The following SLC35D4 variants were observed in gnomAD, a reference collection of about 807,000 sequenced individuals.
The protein encoded by SLC35D4 is solute carrier family 35 member D4, also known as UDP-N-acetylglucosamine transporter SLC35D4.
At chr18:23,344,524 T>C in the SLC35D4 span, among the ~76,000 whole-genome samples, 7 of 152,260 alleles carry the variant, frequency 4.6e-5, no homozygotes, top group African/African-American at 1.7e-4. Context: ...AGTTCCTTTA[T>C]CAGACATTAT....
chr18:23,297,565 A>G, the SLC35D4 span: 4 of 151,798 alleles, frequency 2.6e-5, no homozygotes, highest in African/African-American at 9.7e-5. Context: ...AATGAAAAAA[A>G]AAAAAGACAA....
chr18:23,390,145 TC>T, the SLC35D4 span, among the ~76,000 whole-genome samples: 604 of 152,324 alleles, frequency 4.0e-3, 6 homozygotes, highest in African/African-American at 0.014. Flanking sequence ...ATTATTAAAA[TC>T]CCCATTATAC....
the SLC35D4 span, among the ~76,000 whole-genome samples, chr18:23,352,650 C>A: frequency 1.3e-5 from 2 of 152,062 alleles, no homozygotes; most frequent in African/African-American, 4.8e-5. Context: ...TTTTTTCAAG[C>A]AAGATAAACT....
the SLC35D4 span, among the ~76,000 whole-genome samples, chr18:23,290,171 T>C: frequency 1.4e-4 from 22 of 152,346 alleles, no homozygotes; most frequent in East Asian, 3.7e-3. Flanking sequence ...CCTTCCCTCC[T>C]GGCACTTCCT....
the SLC35D4 span, chr18:23,257,417 C>G: frequency 1.1e-4 from 167 of 1,530,570 alleles, no homozygotes; most frequent in African/African-American, 2.2e-3. Flanking sequence ...CTTGGTGGAG[C>G]AGCACTTACT....
At chr18:23,328,959 G>T in the SLC35D4 span, among the ~76,000 whole-genome samples, 1 of 152,170 alleles carries the variant, frequency 6.6e-6, no homozygotes, top group African/African-American at 2.4e-5. Context: ...ACAGGGAAAA[G>T]ATTCCCTATT....
At chr18:23,412,734 T>G in the SLC35D4 span, among the ~76,000 whole-genome samples, 1 of 152,322 alleles carries the variant, frequency 6.6e-6, no homozygotes, top group South Asian at 2.1e-4. Context: ...AAACCCCACC[T>G]GCTGCCTGTT....
the SLC35D4 span, chr18:23,399,617 T>C: frequency 6.2e-7 from 1 of 1,613,780 alleles, no homozygotes; most frequent in East Asian, 2.2e-5. Flanking sequence ...CAAACAGCAC[T>C]GAAGCAGGAA....
At chr18:23,382,971 T>C in the SLC35D4 span, among the ~76,000 whole-genome samples, 1 of 152,006 alleles carries the variant, frequency 6.6e-6, no homozygotes, top group African/African-American at 2.4e-5. Flanking sequence ...ACAGACTTGG[T>C]AATAGGCTGG....
At chr18:23,430,726 G>A in the SLC35D4 span, 1 of 1,499,844 alleles carries the variant, frequency 6.7e-7, no homozygotes, top group Non-Finnish European at 9.2e-7. Flanking sequence ...ATAGAAAACT[G>A]ACAAACCATA....
the SLC35D4 span, among the ~76,000 whole-genome samples, chr18:23,304,849 C>G: frequency 6.6e-6 from 1 of 152,192 alleles, no homozygotes; most frequent in Non-Finnish European, 1.5e-5. Context: ...AAGCCTCTTC[C>G]TCTGCATAAG....
chr18:23,352,068 G>C, the SLC35D4 span: 1 of 640,362 alleles, frequency 1.6e-6, no homozygotes, highest in Non-Finnish European at 2.6e-6. Context: ...ATGAAGGAAG[G>C]ATCAGGCTCA....
chr18:23,308,876 C>CTCTCTCTCTCTCTCTG, the SLC35D4 span, among the ~76,000 whole-genome samples: 60 of 140,108 alleles, frequency 4.3e-4, no homozygotes, highest in South Asian at 7.2e-4. Context: ...CTCTCTCTCT[C>CTCTCTCTCTCTCTCTG]TGTGTGTGTG....
chr18:23,354,907 C>T, the SLC35D4 span, among the ~76,000 whole-genome samples: 2 of 147,450 alleles, frequency 1.4e-5, no homozygotes, highest in African/African-American at 4.9e-5. Flanking sequence ...ACTTTCAGCC[C>T]ATCTACCCCT....
At chr18:23,299,092 G>A in the SLC35D4 span, among the ~76,000 whole-genome samples, 1 of 152,316 alleles carries the variant, frequency 6.6e-6, no homozygotes, top group South Asian at 2.1e-4. Context: ...GACTATGAGT[G>A]AGAATATAAA....
At chr18:23,380,781 TGTGTGTGTGTGTGTATGTGTGCATGA>T in the SLC35D4 span, among the ~76,000 whole-genome samples, 1 of 150,634 alleles carries the variant, frequency 6.6e-6, no homozygotes, top group Non-Finnish European at 1.5e-5. Flanking sequence ...AGTCAAACTG[TGTGTGTGTGTGTGTATGTGTGCATGA>T]GTGTGTGTGT....
the SLC35D4 span, among the ~76,000 whole-genome samples, chr18:23,287,102 G>A: frequency 6.6e-6 from 1 of 151,994 alleles, no homozygotes; most frequent in African/African-American, 2.4e-5. Context: ...GCCTGCTACA[G>A]CATGGCCTTT....
chr18:23,316,014 G>A, the SLC35D4 span, among the ~76,000 whole-genome samples: 16 of 152,258 alleles, frequency 1.1e-4, no homozygotes, highest in African/African-American at 3.1e-4. Flanking sequence ...GAGCTTGCGC[G>A]AAATGCAGAA....
At chr18:23,260,983 A>G in the SLC35D4 span, among the ~76,000 whole-genome samples, 4 of 152,190 alleles carry the variant, frequency 2.6e-5, no homozygotes. Context: ...GACCCAGGCC[A>G]GGATGGGAAG....
Sources: allele counts gnomAD v4.1 joint callset (sites outside exome capture counted in the v4.1 genomes callset), GRCh38; gene constraint gnomAD v4.1.1; transcripts MANE v1.5; gene names NCBI Gene and HGNC (gene_info 2026-07-23, HGNC 2026-07-21).